ATP5MG: variants seen among roughly 807,000 people sequenced by gnomAD.
ATP5MG encodes the protein ATP synthase membrane subunit g.
A neutral mutation model predicts 12.7 loss-of-function variants in ATP5MG; 7 were observed. The observed-to-expected ratio is 0.55, with a 90% confidence interval of 0.31 to 1.04. The LOEUF (loss-of-function observed/expected upper bound fraction) is 1.04. Among genes scored for constraint, ATP5MG ranks in the 50% least tolerant of loss-of-function variants. The pLI, the probability that ATP5MG is intolerant of heterozygous loss-of-function variation, is 0.05. For synonymous variants in ATP5MG, 53 were observed against 48.2 expected (o/e 1.10, Z -0.41); for missense variants, 116 against 126.7 (o/e 0.92, Z 0.41).
In ATP5MG at chr11:118,406,713, A is replaced by C. The variant is rs1326760702; in HGVS notation, c.53-224A>C. On this transcript the variant is annotated intron_variant, in intron 1 of 2. Transcript: ENST00000300688. ...TGGCATAATTGAATGTGCTTATAGC[A>C]TCCTGCCTGATTGAACATCCCTGTG... 1.0e-5 allele frequency: 6 copies of C among 586,396 alleles called. No homozygotes were observed. In the African/African-American group the frequency reaches 1.1e-4, roughly 11 times the overall value. The allele number at this position is 586,396 out of a possible 1,614,324, so 36.3% of individuals were successfully genotyped here. A position where few individuals can be genotyped will look rare whatever the true frequency, so the allele number is the denominator to read the frequency against.
intron 1 of ATP5MG, among the ~76,000 whole-genome samples, chr11:118,402,444 GGC>G (rs1419339696): frequency 6.6e-6 from 1 of 151,916 alleles, no homozygotes; most frequent in Non-Finnish European, 1.5e-5. Context: ...TAGTTTATTT[GGC>G]CAGTAAATAT....
intron 1 of ATP5MG, among the ~76,000 whole-genome samples, chr11:118,404,689 A>G (rs1271385012): frequency 1.3e-5 from 2 of 152,212 alleles, no homozygotes; most frequent in Non-Finnish European, 2.9e-5. Flanking sequence ...ACTTGGTTAT[A>G]GGTTCCTCTA....
chr11:118,407,057 A>G lies in ATP5MG; in HGVS notation c.173A>G (p.Asn58Ser), dbSNP rs782179113. 49 of 1,614,056 alleles carry G rather than the reference A, an allele frequency of 3.0e-5. No homozygotes were observed. Among genetic ancestry groups the G allele is most frequent in the Non-Finnish European group, 3.8e-5 (45 of 1,180,046 alleles). ...RAIQSLKKIVNSAQTGSFKQL... is the reference protein window; with the variant it reads ...RAIQSLKKIVSSAQTGSFKQL... ...ATTCAGAGCCTGAAAAAAATAGTCA[A>G]TAGTGCTCAGACTGGTAGCTTCAAA... is the stretch of plus-strand genomic sequence containing the variant. Residue 58 changes from asparagine (N) to serine (S), a missense_variant, in exon 2 of 3, where the codon AAT becomes AGT. By Grantham distance (46) the Asn-to-Ser change is conservative (BLOSUM62 1). Transcript: ENST00000300688.
In ATP5MG at chr11:118,406,958, C is replaced by T. The variant is rs1555132192; in HGVS notation, c.74C>T (p.Pro25Leu). The T allele has an allele frequency of 6.2e-7, 1 of 1,611,390 alleles. No individual in the cohort carries two copies. Among genetic ancestry groups the T allele is most frequent in the Admixed American group, 1.7e-5 (1 of 59,716 alleles). The part of the protein sequence containing the change: ...LVNAAVTYSK[P>L]RLATFWYYAK... ...CCAGCTGCTGTGACTTACTCGAAGC[C>T]TCGATTGGCCACATTTTGGTACTAC... The change falls in exon 2 of 3, where the codon CCT becomes CTT. Residue 25 changes from proline (P) to leucine (L), a missense_variant. Pro to Leu is a moderately conservative substitution (Grantham distance 98). Coordinates refer to ENST00000300688, the MANE Select transcript of ATP5MG (RefSeq NM_006476.5).
Position 118,401,992 on chromosome 11 carries a change from C to T in ATP5MG, c.52+275C>T. ...AGTGTGAAGGAAGCCCGGCGTTGCC[C>T]GGCAGCTGCAACCATTACGCCCCCT... On this transcript the variant is annotated intron_variant, in intron 1 of 2. Coordinates refer to ENST00000300688, the MANE Select transcript of ATP5MG (RefSeq NM_006476.5). The T allele has an allele frequency of 1.2e-5, 5 of 429,152 alleles. No individual in the cohort carries two copies. In the South Asian group the frequency reaches 2.0e-4, roughly 17 times the overall value. The allele number at this position is 429,152 out of a possible 1,614,324, so 26.6% of individuals were successfully genotyped here. A position where few individuals can be genotyped will look rare whatever the true frequency, so the allele number is the denominator to read the frequency against.
At chr11:118,404,510 G>T (rs1374523863) in intron 1 of ATP5MG, among the ~76,000 whole-genome samples, 1 of 152,138 alleles carries the variant, frequency 6.6e-6, no homozygotes, top group East Asian at 1.9e-4. Context: ...CAAAGTATCT[G>T]TCTAGGTATC....
At chr11:118,406,712 C>A in intron 1 of ATP5MG, 1 of 577,342 alleles carries the variant, frequency 1.7e-6, no homozygotes, top group Non-Finnish European at 3.0e-6. Flanking sequence ...GTGCTTATAG[C>A]ATCCTGCCTG....
rs1948940712 is a variant in ATP5MG at position 118,402,850 on chromosome 11, C to T, written c.52+1133C>T. Among the ~76,000 whole-genome samples, 3 of 152,124 alleles carry T rather than the reference C, an allele frequency of 2.0e-5. No homozygotes were observed. In the South Asian group the frequency reaches 6.2e-4, roughly 32 times the overall value. ...GAGTAGCTGGGATCACAGGCACGCA[C>T]CACCACACCCAGCTAATTTTTGTAT... On this transcript the variant is annotated intron_variant, in intron 1 of 2. Coordinates refer to ENST00000300688, the MANE Select transcript of ATP5MG (RefSeq NM_006476.5).
At position 118,406,931 on chromosome 11, in the gene ATP5MG, T is replaced by C. The variant is rs782538725; in HGVS notation, c.53-6T>C. On this transcript the variant is annotated splice_region_variant and splice_polypyrimidine_tract_variant and intron_variant, in intron 1 of 2. Coordinates refer to ENST00000300688, the MANE Select transcript of ATP5MG (RefSeq NM_006476.5). ...GTTTTTTGTTTTGTTTTGTTTTGTTTTCCAGCTGCTGTGACTTACTCGAAG... is the reference window on the plus strand; with the variant it reads ...GTTTTTTGTTTTGTTTTGTTTTGTTCTCCAGCTGCTGTGACTTACTCGAAG... 6.3e-7 allele frequency: 1 copy of C among 1,592,184 alleles called. No homozygotes were observed. The highest frequency in any genetic ancestry group is 8.6e-7 in the Non-Finnish European group (1 of 1,169,196).
In ATP5MG at chr11:118,409,161, G is replaced by T; in HGVS notation, c.*63G>T. The T allele has an allele frequency of 8.9e-7, 1 of 1,122,458 alleles. No individual in the cohort carries two copies. The highest frequency in any genetic ancestry group is 1.3e-6 in the Non-Finnish European group (1 of 791,276). The allele number at this position is 1,122,458 out of a possible 1,614,324, so 69.5% of individuals were successfully genotyped here. On this transcript the variant is annotated 3_prime_UTR_variant, in exon 3 of 3. Transcript: ENST00000300688. ...ATTTGAGTGTTGTTGGACCATGTGT[G>T]ATCAGACTGCTATCTGAATAAAATA...
At chr11:118,403,666 G>T (rs1005457455) in intron 1 of ATP5MG, among the ~76,000 whole-genome samples, 1 of 151,064 alleles carries the variant, frequency 6.6e-6, no homozygotes. Flanking sequence ...GGTGGCAGGC[G>T]CCTATAATCC....
At chr11:118,407,204 C>G in intron 2 of ATP5MG, 107 bp downstream of exon 2, 1 of 1,474,184 alleles carries the variant, frequency 6.8e-7, no homozygotes, top group Non-Finnish European at 9.0e-7. Flanking sequence ...AGGCTGAATC[C>G]AGCATAATGA....
At chr11:118,405,796 C>T (rs899597244) in intron 1 of ATP5MG, 11 of 766,960 alleles carry the variant, frequency 1.4e-5, no homozygotes, top group African/African-American at 1.9e-5. Context: ...AGGAAAACAC[C>T]AAGAGCCTTG....
At chr11:118,402,521 G>T (rs532617056) in intron 1 of ATP5MG, among the ~76,000 whole-genome samples, 1 of 151,964 alleles carries the variant, frequency 6.6e-6, no homozygotes, top group Admixed American at 6.6e-5. Flanking sequence ...CTAAATTGAC[G>T]TAAGTTTTTC....
chr11:118,405,031 A>C (rs1948961137), intron 1 of ATP5MG, among the ~76,000 whole-genome samples: 2 of 152,162 alleles, frequency 1.3e-5, no homozygotes, highest in Non-Finnish European at 2.9e-5. Context: ...TGATACTACA[A>C]GATGCTTCAG....
At chr11:118,404,429 TC>T (rs782532704) in intron 1 of ATP5MG, among the ~76,000 whole-genome samples, 1 of 152,220 alleles carries the variant, frequency 6.6e-6, no homozygotes, top group Non-Finnish European at 1.5e-5. Context: ...TTCCCAGTCT[TC>T]CCTCATCTTT....
chr11:118,405,911 G>T (rs1555132013), intron 1 of ATP5MG, among the ~76,000 whole-genome samples: 1 of 152,148 alleles, frequency 6.6e-6, no homozygotes, highest in East Asian at 1.9e-4. Flanking sequence ...CCCCCAGACT[G>T]GAATGTCATG....
At chr11:118,406,518 C>A in intron 1 of ATP5MG, 1 of 194,456 alleles carries the variant, frequency 5.1e-6, no homozygotes, top group Non-Finnish European at 1.1e-5. Context: ...ATTCTAAATC[C>A]TTCATCCCTT....
Position 118,409,053 on chromosome 11 carries a change from C to T in ATP5MG, c.267C>T (p.Val89=), listed in dbSNP as rs147540882. ...VATEVLMWFY[V]GEIIGKRGII... is the part of the protein sequence containing the mutation. The stretch of plus-strand genomic sequence containing the variant: ...CTGAGGTGTTGATGTGGTTTTATGT[C>T]GGAGAGATTATAGGCAAGCGGGGCA... The change falls in exon 3 of 3, where the codon GTC becomes GTT. Residue 89 remains valine, a synonymous_variant. Coordinates refer to ENST00000300688, the MANE Select transcript of ATP5MG (RefSeq NM_006476.5). 414 of 1,606,426 alleles carry T rather than the reference C, an allele frequency of 2.6e-4. No homozygotes were observed. Among genetic ancestry groups the T allele is most frequent in the Admixed American group, 1.4e-3 (81 of 59,102 alleles).
Sources: allele counts gnomAD v4.1 joint callset (sites outside exome capture counted in the v4.1 genomes callset), GRCh38; gene constraint gnomAD v4.1.1; transcripts MANE v1.5; gene names NCBI Gene and HGNC (gene_info 2026-07-23, HGNC 2026-07-21).